TSHR: variants seen among roughly 807,000 people sequenced by gnomAD.
TSHR encodes the protein thyrotropin receptor.
TSHR carries 51 observed loss-of-function variants against 64.1 expected under a neutral mutation model. The observed-to-expected ratio is 0.80, with a 90% CI of 0.64 to 1.01. The LOEUF (loss-of-function observed/expected upper bound fraction) is 1.01. TSHR is among the 50% of genes least tolerant of loss of function. The probability of loss-of-function intolerance (pLI) is 0.00; values close to 1 mark genes in which losing one functional copy is unlikely to be tolerated. For missense variants in TSHR, 877 were observed against 942.8 expected (o/e 0.93, Z 0.91); for synonymous variants, 361 against 361.9 (o/e 1.00, Z 0.03).
chr14:81,038,934 T>C (rs569429485), intron 1 of TSHR, among the ~76,000 whole-genome samples: 39 of 151,914 alleles, frequency 2.6e-4, no homozygotes, highest in Non-Finnish European at 2.2e-4. Flanking sequence ...TGGGACCTGA[T>C]GGCTTCATTG....
In TSHR at chr14:81,103,001, TAA is replaced by T; in HGVS notation, c.615-5373_615-5372del. 1.0e-6 allele frequency: 1 copy of T among 985,436 alleles called. No individual in the cohort carries two copies. Among genetic ancestry groups the T allele is most frequent in the Non-Finnish European group, 1.2e-6 (1 of 829,906 alleles). The allele number at this position is 985,436 out of a possible 1,614,324, so 61.0% of individuals were successfully genotyped here. ...AAAACAATGCTCCATCATTCTACCC[TAA>T]GTTTCTGACTCCTAGTCAATAGAAA... On this transcript the variant is annotated intron_variant, in intron 7 of 9. Coordinates refer to ENST00000298171, the MANE Select transcript of TSHR (RefSeq NM_000369.5). This position sits in a 1 kb window ranked among gnomAD's most constrained non-coding sequence, Gnocchi z 4.1.
chr14:81,070,016 G>A (rs1325326891), intron 3 of TSHR, among the ~76,000 whole-genome samples: 1 of 152,162 alleles, frequency 6.6e-6, no homozygotes, highest in Non-Finnish European at 1.5e-5. Flanking sequence ...TTTCACAAGA[G>A]ATTAGGCATA....
At chr14:81,041,507 G>C (rs1884921240) in intron 1 of TSHR, among the ~76,000 whole-genome samples, 1 of 152,020 alleles carries the variant, frequency 6.6e-6, no homozygotes, top group Admixed American at 6.6e-5. Context: ...AAAACACACT[G>C]GGGCCTATTG....
intron 1 of TSHR, chr14:81,053,393 T>C (rs1370655215): frequency 6.6e-6 from 1 of 152,224 alleles, no homozygotes; most frequent in Non-Finnish European, 1.5e-5. Context: ...TCATATCCCA[T>C]GACCCAATCA....
At chr14:81,049,147 A>C (rs886429429) in intron 1 of TSHR, among the ~76,000 whole-genome samples, 1 of 152,176 alleles carries the variant, frequency 6.6e-6, no homozygotes, top group African/African-American at 2.4e-5. Context: ...CATAGCATAT[A>C]GTTATTAAAG....
At chr14:80,966,024 T>C (rs986036852) in intron 1 of TSHR, among the ~76,000 whole-genome samples, 3 of 152,326 alleles carry the variant, frequency 2.0e-5, no homozygotes. Flanking sequence ...AAATTTTTCT[T>C]TCAGAAAACA....
intron 1 of TSHR, among the ~76,000 whole-genome samples, chr14:80,976,265 T>G (rs981780261): frequency 6.6e-6 from 1 of 152,154 alleles, no homozygotes; most frequent in African/African-American, 2.4e-5. Context: ...GATACAGATC[T>G]GGTTCTCCAC....
chr14:81,068,164 G>A lies in TSHR; in HGVS notation c.243-90G>A, dbSNP rs76156737. 2.0e-3 allele frequency: 2,394 copies of A among 1,191,612 alleles called. 36 individuals are homozygous for A. In the African/African-American group the frequency reaches 0.031, roughly 15 times the overall value. The allele number at this position is 1,191,612 out of a possible 1,614,324, so 73.8% of individuals were successfully genotyped here. A position where few individuals can be genotyped will look rare whatever the true frequency, so the allele number is the denominator to read the frequency against. On this transcript the variant is annotated intron_variant, in intron 2 of 9. Transcript: ENST00000298171. ...GTACATGTTGCATGATCTGGGAAGCGCATAACAAAAAGTTATGTCAAAAAT... is the reference window on the plus strand; with the variant it reads ...GTACATGTTGCATGATCTGGGAAGCACATAACAAAAAGTTATGTCAAAAAT...
At chr14:81,127,160 T>A (rs1264053941) in intron 8 of TSHR, among the ~76,000 whole-genome samples, 20 of 152,228 alleles carry the variant, frequency 1.3e-4, no homozygotes, top group Non-Finnish European at 2.9e-5. Flanking sequence ...TTTTAGCATG[T>A]AGAATTAGGC....
chr14:81,070,320 C>T (rs896745850), intron 3 of TSHR, among the ~76,000 whole-genome samples: 6 of 151,854 alleles, frequency 4.0e-5, no homozygotes, highest in Admixed American at 6.6e-5. Flanking sequence ...AAACCAAAGA[C>T]GAAAAGAAAA....
chr14:81,116,709 C>G (rs1890530187), intron 8 of TSHR, among the ~76,000 whole-genome samples: 1 of 147,340 alleles, frequency 6.8e-6, no homozygotes, highest in Non-Finnish European at 1.5e-5. Context: ...ACTCTCCACC[C>G]CAAATCAACA....
Position 81,144,155 on chromosome 14 carries a change from T to A in TSHR, c.2097T>A (p.Cys699Ter). Reference sequence around the variant, plus strand: ...TCCTACTCAGCAAGTTTGGCATCTGTAAACGCCAGGCTCAGGCATACCGGG... The same window carrying A: ...TCCTACTCAGCAAGTTTGGCATCTGAAAACGCCAGGCTCAGGCATACCGGG... ...VFILLSKFGI[C>*]KRQAQAYRGQ... The change falls in exon 10 of 10, where the codon TGT (cysteine) becomes TGA (stop). Residue 699 changes from cysteine to a stop codon, truncating the protein, a stop_gained. Transcript: ENST00000298171. LOFTEE classifies it high-confidence loss of function. The A allele has an allele frequency of 6.2e-7, 1 of 1,614,114 alleles. No individual in the cohort carries two copies. Among genetic ancestry groups the A allele is most frequent in the Non-Finnish European group, 8.5e-7 (1 of 1,180,020 alleles).
chr14:80,974,385 G>T (rs111370146), intron 1 of TSHR, among the ~76,000 whole-genome samples: 42 of 152,210 alleles, frequency 2.8e-4, no homozygotes, highest in African/African-American at 8.7e-4. Context: ...TCTAACTAGG[G>T]GGTCTCTGTG....
chr14:81,088,890 G>A (rs961125829), intron 4 of TSHR, among the ~76,000 whole-genome samples: 3 of 152,112 alleles, frequency 2.0e-5, no homozygotes, highest in African/African-American at 7.2e-5. Flanking sequence ...GAACAAGAAT[G>A]GGGAGATAGA....
intron 8 of TSHR, among the ~76,000 whole-genome samples, chr14:81,137,684 C>A (rs1891508808): frequency 6.6e-6 from 1 of 152,190 alleles, no homozygotes; most frequent in Non-Finnish European, 1.5e-5. Flanking sequence ...AACCTATGCT[C>A]ATAATAAAAA....
chr14:80,982,565 T>C (rs2139724148), intron 1 of TSHR: 2 of 1,009,302 alleles, frequency 2.0e-6, no homozygotes, highest in East Asian at 2.9e-5. Context: ...CCTCAATCTG[T>C]GAGTAGGATA....
At chr14:80,966,830 A>C in intron 1 of TSHR, among the ~76,000 whole-genome samples, 1 of 152,166 alleles carries the variant, frequency 6.6e-6, no homozygotes, top group Non-Finnish European at 1.5e-5. Flanking sequence ...GTGCCGGCAG[A>C]TCTGTTGTCT....
chr14:81,142,960 G>A lies in TSHR; in HGVS notation c.902G>A (p.Cys301Tyr), dbSNP rs751054919. ...KIRGILESLM[C>Y]NESSMQSLRQ... ...TGCAGAATCCTTGAGTCCTTGATGT[G>A]TAATGAGAGCAGTATGCAGAGCTTG... Residue 301 changes from cysteine (C) to tyrosine (Y), a missense_variant, in exon 10 of 10, where the codon TGT (cysteine) becomes TAT (tyrosine). By Grantham distance (194) the Cys-to-Tyr change is radical. Transcript: ENST00000298171. 6.2e-6 allele frequency: 10 copies of A among 1,614,140 alleles called. No individual in the cohort carries two copies. The highest frequency in any genetic ancestry group is 1.1e-5 in the South Asian group (1 of 91,092).
intron 1 of TSHR, among the ~76,000 whole-genome samples, chr14:80,971,578 T>C (rs1292471166): frequency 6.6e-6 from 1 of 152,224 alleles, no homozygotes; most frequent in African/African-American, 2.4e-5. Context: ...TTAAAGTGCA[T>C]TGTCATTCAC....
Sources: gnomAD v4.1 joint callset for allele counts (sites outside exome capture counted in the v4.1 genomes callset) on GRCh38, gnomAD v4.1.1 for gene constraint, Gnocchi (gnomAD v3.1) non-coding constraint, MANE v1.5 for transcripts, NCBI Gene and HGNC (gene_info 2026-07-23, HGNC 2026-07-21) for gene names.